The following FAM178B variants were observed in gnomAD, a reference collection of about 807,000 sequenced individuals.
FAM178B encodes family with sequence similarity 178 member B.
Under a neutral mutation model 91.7 loss-of-function variants are expected in FAM178B, and 82 were observed. The ratio of observed to expected loss-of-function variants is 0.89; its 90% CI spans 0.75 to 1.07. FAM178B has a LOEUF of 1.07. Among genes scored for constraint, FAM178B ranks in the 50% least tolerant of loss-of-function variants. The pLI is 0.00. For synonymous variants in FAM178B, 368 were observed against 359.4 expected (o/e 1.02, Z -0.27); for missense variants, 769 against 846.7 (o/e 0.91, Z 1.14).
chr2:96,976,257 C>G (rs2082287263), intron 1 of FAM178B, among the ~76,000 whole-genome samples: 1 of 151,754 alleles, frequency 6.6e-6, no homozygotes, highest in South Asian at 2.1e-4. Flanking sequence ...CCATGCCCGG[C>G]TAATTTTTTG....
At chr2:96,919,580 C>T (rs2081298766) in intron 12 of FAM178B, among the ~76,000 whole-genome samples, 1 of 152,176 alleles carries the variant, frequency 6.6e-6, no homozygotes, top group Non-Finnish European at 1.5e-5. Context: ...GTGGGGATGG[C>T]AGAAACCTCT....
At chr2:96,890,802 C>T (rs1391791816) in intron 14 of FAM178B, among the ~76,000 whole-genome samples, 1 of 152,168 alleles carries the variant, frequency 6.6e-6, no homozygotes. Flanking sequence ...TGTGTTAACT[C>T]TCCCACAGGA....
In FAM178B at chr2:96,878,046, T is replaced by C. The variant is rs1173848928; in HGVS notation, c.1855-4A>G. 3 of 1,607,428 alleles carry C rather than the reference T, an allele frequency of 1.9e-6. No homozygotes were observed. The highest frequency in any genetic ancestry group is 2.5e-6 in the Non-Finnish European group (3 of 1,179,950). On this transcript the variant is annotated splice_region_variant and splice_polypyrimidine_tract_variant and intron_variant, in intron 15 of 16. Transcript: ENST00000490605. ...TGCACAGCAGCTGCAGCTCGCCCTG[T>C]GGAGGCGGAGGGAGGCCAAGAAGCG...
At chr2:96,887,734 G>A (rs1256863942) in intron 14 of FAM178B, among the ~76,000 whole-genome samples, 3 of 152,248 alleles carry the variant, frequency 2.0e-5, no homozygotes, top group Admixed American at 2.0e-4. Flanking sequence ...AGAACGAGAA[G>A]AAGATAATCC....
At chr2:96,902,043 G>A (rs1277257692) in intron 13 of FAM178B, among the ~76,000 whole-genome samples, 2 of 151,382 alleles carry the variant, frequency 1.3e-5, no homozygotes, top group Admixed American at 6.6e-5. Context: ...AGGCGATCCC[G>A]CCCACCTCAG....
intron 5 of FAM178B, among the ~76,000 whole-genome samples, chr2:96,962,130 C>T (rs1420362370): frequency 1.3e-5 from 2 of 151,948 alleles, no homozygotes; most frequent in Non-Finnish European, 2.9e-5. Flanking sequence ...GGTGAAACCC[C>T]GTCTCTACTA....
intron 8 of FAM178B, among the ~76,000 whole-genome samples, chr2:96,947,588 C>A (rs868735487): frequency 6.6e-6 from 1 of 152,202 alleles, no homozygotes; most frequent in Non-Finnish European, 1.5e-5. Context: ...TCAGCCTGGC[C>A]GTGGCCACAG....
chr2:96,905,818 G>A (rs201359196), intron 12 of FAM178B, among the ~76,000 whole-genome samples: 3,371 of 34,234 alleles, frequency 0.098, 250 homozygotes, highest in Middle Eastern at 0.2. Context: ...ATATATGTGT[G>A]TATATATATA....
intron 8 of FAM178B, among the ~76,000 whole-genome samples, chr2:96,944,929 G>A (rs1274392259): frequency 6.6e-6 from 1 of 151,938 alleles, no homozygotes; most frequent in East Asian, 1.9e-4. Context: ...AGCACTTCCT[G>A]GTTCCTGCCT....
chr2:96,945,581 G>T (rs993862017), intron 8 of FAM178B, among the ~76,000 whole-genome samples: 1 of 152,096 alleles, frequency 6.6e-6, no homozygotes, highest in Non-Finnish European at 1.5e-5. Flanking sequence ...TCATAGATAC[G>T]GGTGAAGGGA....
intron 13 of FAM178B, among the ~76,000 whole-genome samples, chr2:96,899,007 C>A (rs1348624918): frequency 6.6e-6 from 1 of 152,134 alleles, no homozygotes; most frequent in African/African-American, 2.4e-5. Flanking sequence ...GACGAGGTGG[C>A]CCTTTGAAGG....
At chr2:96,963,623 T>C (rs1310222588) in intron 5 of FAM178B, among the ~76,000 whole-genome samples, 4 of 152,284 alleles carry the variant, frequency 2.6e-5, no homozygotes, top group Admixed American at 2.6e-4. Flanking sequence ...CCATAAAAAC[T>C]GGCACCAGTC....
At chr2:96,943,366 A>G (rs1461735801) in intron 8 of FAM178B, among the ~76,000 whole-genome samples, 1 of 152,232 alleles carries the variant, frequency 6.6e-6, no homozygotes, top group East Asian at 1.9e-4. Flanking sequence ...CAGAATAGGC[A>G]TGAAATTTTC....
chr2:96,986,154 T>C (rs2153376800), intron 1 of FAM178B, 87 bp downstream of exon 1: 1 of 1,525,592 alleles, frequency 6.6e-7, no homozygotes. Context: ...CTGCAAGGCC[T>C]GGACCAGCCA....
Position 96,929,208 on chromosome 2 carries a change from G to A in FAM178B, c.1191C>T (p.Gly397=), listed in dbSNP as rs1017171352. The A allele has an allele frequency of 3.2e-6, 5 of 1,548,046 alleles. No homozygotes were observed. The highest frequency in any genetic ancestry group is 1.4e-5 in the African/African-American group (1 of 72,954). ...AGTGAGGAAGCAGAAGTACTCACCTGCCACCGTGCCAAAAGGGCCCCAGAG... is the reference window on the plus strand; with the variant it reads ...AGTGAGGAAGCAGAAGTACTCACCTACCACCGTGCCAAAAGGGCCCCAGAG... ...LYPLGPFWHG[G]RVLPGEAGLN... The change falls in exon 9 of 17, where the codon GGC becomes GGT. Residue 397 remains glycine (G), a splice_region_variant and synonymous_variant. Transcript: ENST00000490605.
At chr2:96,910,475 T>C (rs1229516285) in intron 12 of FAM178B, among the ~76,000 whole-genome samples, 2 of 152,234 alleles carry the variant, frequency 1.3e-5, no homozygotes, top group Non-Finnish European at 2.9e-5. Flanking sequence ...AAATACGAAT[T>C]GTGTAGTGTT....
intron 12 of FAM178B, among the ~76,000 whole-genome samples, chr2:96,917,087 A>G (rs1484444157): frequency 6.6e-6 from 1 of 152,222 alleles, no homozygotes; most frequent in African/African-American, 2.4e-5. Context: ...AGAGCAAAGA[A>G]GGTGCGGAAA....
At chr2:96,922,643 C>T (rs1454570279) in intron 10 of FAM178B, among the ~76,000 whole-genome samples, 1 of 151,642 alleles carries the variant, frequency 6.6e-6, no homozygotes, top group Admixed American at 6.6e-5. Flanking sequence ...AGCCACCATA[C>T]CTGGCCTATT....
rs552310328 is a variant in FAM178B at position 96,977,108 on chromosome 2, T to C, written c.74-4502A>G. On this transcript the variant is annotated intron_variant, in intron 1 of 16. Transcript: ENST00000490605. The stretch of plus-strand genomic sequence containing the variant: ...TACTCGGGACGCTGAAGCAGGAGAA[T>C]TGCTTGAACCCGGGAGGCAGAGGTT... Among the ~76,000 whole-genome samples the C allele has an allele frequency of 7.5e-5, 11 of 145,996 alleles. No individual in the cohort carries two copies. In the South Asian group the frequency reaches 2.1e-3, roughly 28 times the overall value.
Sources: allele counts gnomAD v4.1 joint callset (sites outside exome capture counted in the v4.1 genomes callset), GRCh38; gene constraint gnomAD v4.1.1; transcripts MANE v1.5; gene names NCBI Gene and HGNC (gene_info 2026-07-23, HGNC 2026-07-21).